The following ALPK2 variants were observed in gnomAD, a reference collection of about 807,000 sequenced individuals.
The protein encoded by ALPK2 is alpha kinase 2, also known as alpha-protein kinase 2.
Under a neutral mutation model 163.1 loss-of-function variants are expected in ALPK2, and 127 were observed. That is an observed-to-expected ratio of 0.78 (90% confidence interval 0.67 to 0.90). ALPK2 has a LOEUF of 0.90. Among genes scored for constraint, ALPK2 ranks in the 40% least tolerant of loss-of-function variants. The probability of loss-of-function intolerance (pLI) is 0.00; values close to 1 mark genes in which losing one functional copy is unlikely to be tolerated. For synonymous variants in ALPK2, 953 were observed against 959.1 expected (o/e 0.99, Z 0.12); for missense variants, 2,360 against 2,589.6 (o/e 0.91, Z 1.92).
intron 10 of ALPK2, among the ~76,000 whole-genome samples, chr18:58,507,599 G>A (rs1461461432): frequency 1.3e-5 from 2 of 152,146 alleles, no homozygotes; most frequent in African/African-American, 4.8e-5. Flanking sequence ...GAACACGTAA[G>A]GCTTGTCTTT....
intron 3 of ALPK2, among the ~76,000 whole-genome samples, chr18:58,583,754 A>G (rs1358703792): frequency 6.0e-5 from 9 of 150,042 alleles, no homozygotes; most frequent in Non-Finnish European, 1.0e-4. Flanking sequence ...AAAAAAAAAA[A>G]GAAAGAAAGA....
rs541663158 is a variant in ALPK2, at chr18:58,531,679, G to A, written c.5354-2441C>T. On this transcript the variant is annotated intron_variant, in intron 5 of 12. Coordinates refer to ENST00000361673, the MANE Select transcript of ALPK2 (RefSeq NM_052947.4). ...AAAAAAAAAAAAAGGACGGGCATGC[G>A]GGCATGGTGGCTCATTTTGGGAGGC... is the stretch of plus-strand genomic sequence containing the variant. Among the ~76,000 whole-genome samples, 15 of 146,852 alleles carry A rather than the reference G, an allele frequency of 1.0e-4. No individual in the cohort carries two copies. The South Asian group carries it at 3.3e-3, about 32-fold the overall frequency.
chr18:58,524,951 C>CAAAAAA (rs377122433), intron 6 of ALPK2, among the ~76,000 whole-genome samples: 1 of 106,124 alleles, frequency 9.4e-6, no homozygotes, highest in Non-Finnish European at 2.0e-5. Context: ...TACTCTACAG[C>CAAAAAA]AAAAAAAAAA....
In ALPK2 at chr18:58,565,746, C is replaced by A. The variant is rs530182407; in HGVS notation, c.1962+13068G>T. ...TCTCTTTTTTGTTCCTTCCTTCCTT[C>A]CTTCCTTCCTTCCTTCCTTCCTTCC... On this transcript the variant is annotated intron_variant, in intron 4 of 12. Coordinates refer to ENST00000361673, the MANE Select transcript of ALPK2 (RefSeq NM_052947.4). Among the ~76,000 whole-genome samples the A allele has an allele frequency of 2.0e-3, 277 of 139,154 alleles. 1 individual carries two copies. The highest frequency in any genetic ancestry group is 7.5e-3 in the African/African-American group (270 of 36,020). 91.3% of individuals were successfully genotyped at this position (139,154 alleles called of 152,430 possible). A position where few individuals can be genotyped will look rare whatever the true frequency, so the allele number is the denominator to read the frequency against.
intron 11 of ALPK2, among the ~76,000 whole-genome samples, chr18:58,500,852 G>A (rs924831705): frequency 5.3e-5 from 8 of 151,994 alleles, no homozygotes; most frequent in Non-Finnish European, 1.0e-4. Flanking sequence ...GTTAGAAGGC[G>A]TGGTAGTCTC....
chr18:58,492,882 G>C (rs1468239009), intron 12 of ALPK2, among the ~76,000 whole-genome samples: 2 of 152,232 alleles, frequency 1.3e-5, no homozygotes, highest in African/African-American at 2.4e-5. Flanking sequence ...GGCTGGCTCT[G>C]TTGGGCCTGG....
intron 10 of ALPK2, chr18:58,512,253 A>G (rs1323668962): frequency 6.6e-6 from 1 of 152,218 alleles, no homozygotes; most frequent in Non-Finnish European, 1.5e-5. Context: ...AACCAGAAAC[A>G]AGAGCTGGGC....
intron 12 of ALPK2, among the ~76,000 whole-genome samples, chr18:58,487,315 C>T (rs1166050496): frequency 3.3e-5 from 5 of 152,144 alleles, no homozygotes; most frequent in Admixed American, 2.0e-4. Flanking sequence ...AGAGATGCGT[C>T]TATCAGTCAA....
rs1263629406 is a variant in ALPK2, at chr18:58,535,987, C to T, written c.4200G>A (p.Glu1400=). 2.5e-6 allele frequency: 4 copies of T among 1,614,002 alleles called. No individual in the cohort carries two copies. In the South Asian group the frequency reaches 4.4e-5, roughly 18 times the overall value. The change falls in exon 5 of 13, where the codon GAG becomes GAA. Residue 1400 remains glutamate, a synonymous_variant. Coordinates refer to ENST00000361673, the MANE Select transcript of ALPK2 (RefSeq NM_052947.4). The part of the protein sequence containing the change: ...KKFLTCPKIL[E]SSVDPIDEIS... ...TCTCATCAATGGGATCTACAGAGGA[C>T]TCTAGGATTTTAGGGCAGGTCAGAA...
At position 58,535,777 on chromosome 18, in the gene ALPK2, G is replaced by T; in HGVS notation, c.4410C>A (p.Ser1470Arg). 6.2e-7 allele frequency: 1 copy of T among 1,614,206 alleles called. No homozygotes were observed. The highest frequency in any genetic ancestry group is 8.5e-7 in the Non-Finnish European group (1 of 1,180,020). ...TILSENRISR[S>R]QEGSMKQEAE... Reference sequence around the variant, plus strand: ...CCTCCTGCTTCATACTGCCTTCTTGGCTTCTGCTGATTCTATTTTCACTCA... The same window carrying T: ...CCTCCTGCTTCATACTGCCTTCTTGTCTTCTGCTGATTCTATTTTCACTCA... The change falls in exon 5 of 13, where the codon AGC becomes AGA. Residue 1470 changes from serine to arginine, a missense_variant. Coordinates refer to ENST00000361673, the MANE Select transcript of ALPK2 (RefSeq NM_052947.4).
rs552194662 is a variant in ALPK2, at chr18:58,578,239, C to T, written c.1962+575G>A. On this transcript the variant is annotated intron_variant, in intron 4 of 12. Transcript: ENST00000361673. ...AAACATCCAATCAAAAACATCCCAC[C>T]AGTGAGGCAACAGTTAATCTGCCTG... The T allele has an allele frequency of 5.9e-5, 9 of 152,272 alleles. No individual in the cohort carries two copies. In the East Asian group the frequency reaches 1.5e-3, roughly 26 times the overall value. 9.4% of individuals were successfully genotyped at this position (152,272 alleles called of 1,614,324 possible).
chr18:58,606,360 A>T (rs1602237687), intron 3 of ALPK2, among the ~76,000 whole-genome samples: 1 of 152,222 alleles, frequency 6.6e-6, no homozygotes, highest in Non-Finnish European at 1.5e-5. Context: ...GATTGCAGGC[A>T]TGAGCCACCA....
At chr18:58,595,150 G>A (rs2052034756) in intron 3 of ALPK2, among the ~76,000 whole-genome samples, 1 of 152,156 alleles carries the variant, frequency 6.6e-6, no homozygotes, top group Non-Finnish European at 1.5e-5. Flanking sequence ...CTCCCGCTCT[G>A]TACTTTCACC....
At chr18:58,578,727 G>A in intron 4 of ALPK2, 87 bp downstream of exon 4, 1 of 133,902 alleles carries the variant, frequency 7.5e-6, no homozygotes, top group Non-Finnish European at 9.4e-6. Flanking sequence ...GTGAAGTAAA[G>A]GAAGAGACAC....
In ALPK2 at chr18:58,536,162, G is replaced by A. The variant is rs1252742049; in HGVS notation, c.4025C>T (p.Ser1342Phe). 1 of 1,614,162 alleles carries A rather than the reference G, an allele frequency of 6.2e-7. No homozygotes were observed. The highest frequency in any genetic ancestry group is 8.5e-7 in the Non-Finnish European group (1 of 1,180,020). The change falls in exon 5 of 13, where the codon TCC becomes TTC. Residue 1342 changes from serine (S) to phenylalanine (F), a missense_variant. Transcript: ENST00000361673. Reference sequence around the variant, plus strand: ...CTCCTTTTCATCTACAGGGTCCACGGATGACTCCAGGAGTCTGGGTTGGCT... The same window carrying A: ...CTCCTTTTCATCTACAGGGTCCACGAATGACTCCAGGAGTCTGGGTTGGCT... ...GFSQPRLLES[S>F]VDPVDEKELS...
intron 9 of ALPK2, among the ~76,000 whole-genome samples, chr18:58,516,206 T>G (rs866914360): frequency 4.1e-5 from 6 of 145,916 alleles, no homozygotes; most frequent in Admixed American, 3.5e-4. Flanking sequence ...GGGGAAAGAG[T>G]GAGACACTGT....
At chr18:58,484,414 G>T (rs1479256614) in intron 12 of ALPK2, among the ~76,000 whole-genome samples, 1 of 152,146 alleles carries the variant, frequency 6.6e-6, no homozygotes, top group African/African-American at 2.4e-5. Context: ...TACGATGCAG[G>T]GGAAGCATTG....
chr18:58,557,332 T>C (rs2051798277), intron 4 of ALPK2: 1 of 151,910 alleles, frequency 6.6e-6, no homozygotes. Context: ...GAATCACACA[T>C]GATGGTGGGG....
intron 4 of ALPK2, among the ~76,000 whole-genome samples, chr18:58,555,468 C>T (rs953730281): frequency 3.9e-5 from 6 of 152,224 alleles, no homozygotes; most frequent in Non-Finnish European, 7.3e-5. Context: ...AAGCACTGAG[C>T]AATTCAGACT....
Sources: allele counts gnomAD v4.1 joint callset (sites outside exome capture counted in the v4.1 genomes callset), GRCh38; gene constraint gnomAD v4.1.1; transcripts MANE v1.5; gene names NCBI Gene and HGNC (gene_info 2026-07-23, HGNC 2026-07-21).